The following EIF2AK2 variants were observed in gnomAD, a reference collection of about 807,000 sequenced individuals.
EIF2AK2 encodes eukaryotic translation initiation factor 2 alpha kinase 2.
Under a neutral mutation model 70.5 loss-of-function variants are expected in EIF2AK2, and 40 were observed. The ratio of observed to expected loss-of-function variants is 0.57; its 90% CI spans 0.44 to 0.74. The LOEUF is 0.74. Among genes scored for constraint, EIF2AK2 ranks in the 30% least tolerant of loss-of-function variants. The probability of loss-of-function intolerance (pLI) is 0.00; values close to 1 mark genes in which losing one functional copy is unlikely to be tolerated. For synonymous variants in EIF2AK2, 198 were observed against 220.9 expected, an observed-to-expected ratio of 0.90 and a Z score of 0.92; for missense variants, 555 against 644.3, an observed-to-expected ratio of 0.86 and a Z score of 1.50.
At chr2:37,142,134 T>A (rs1675355260) in intron 4 of EIF2AK2, among the ~76,000 whole-genome samples, 1 of 152,142 alleles carries the variant, frequency 6.6e-6, no homozygotes, top group Non-Finnish European at 1.5e-5. Context: ...GTTTTGATAT[T>A]TTTTTAATTT....
At chr2:37,132,382 G>T (rs1446724165) in intron 10 of EIF2AK2, among the ~76,000 whole-genome samples, 3 of 152,134 alleles carry the variant, frequency 2.0e-5, no homozygotes, top group African/African-American at 7.2e-5. Flanking sequence ...ACGAGGTCAG[G>T]AGTTTGAGAC....
In EIF2AK2 at chr2:37,123,778, G is replaced by C. The variant is rs527559401; in HGVS notation, c.909-1114C>G. Among the ~76,000 whole-genome samples, 3 of 152,150 alleles carry C rather than the reference G, an allele frequency of 2.0e-5. No homozygotes were observed. In the East Asian group the frequency reaches 5.8e-4, roughly 29 times the overall value. On this transcript the variant is annotated intron_variant, in intron 11 of 16. Coordinates refer to ENST00000233057, the MANE Select transcript of EIF2AK2 (RefSeq NM_001135651.3). ...GTGAAATGGTGGAAGGCTTTACAGG[G>C]ATGTGTTGCCAAGACCTAAGAAAAT...
intron 8 of EIF2AK2, among the ~76,000 whole-genome samples, 162 bp downstream of exon 8, chr2:37,138,108 C>CAAAAAAAAAAAAAAAA (rs59032875): frequency 1.5e-5 from 1 of 67,114 alleles, no homozygotes. Flanking sequence ...GACTCCATCT[C>CAAAAAAAAAAAAAAAA]AAAAAAAAAA....
chr2:37,120,187 T>A (rs1251226994), intron 12 of EIF2AK2, 48 bp from the exon 13 acceptor site: 11 of 1,162,638 alleles, frequency 9.5e-6, no homozygotes, highest in Non-Finnish European at 1.2e-5. Flanking sequence ...AAATATAAAT[T>A]TATAAAAAAT....
intron 1 of EIF2AK2, among the ~76,000 whole-genome samples, chr2:37,156,208 C>T (rs1294172815): frequency 6.6e-6 from 1 of 152,154 alleles, no homozygotes; most frequent in Non-Finnish European, 1.5e-5. Flanking sequence ...GGATGCTTGG[C>T]TGTGCACCAG....
At chr2:37,145,544 T>A (rs566788655) in intron 4 of EIF2AK2, among the ~76,000 whole-genome samples, 1 of 152,066 alleles carries the variant, frequency 6.6e-6, no homozygotes, top group African/African-American at 2.4e-5. Flanking sequence ...GTTAATTTAT[T>A]ATTGAAGAAA....
Position 37,114,714 on chromosome 2 carries a change from C to A in EIF2AK2, c.1377+17G>T. 6.5e-7 allele frequency: 1 copy of A among 1,527,458 alleles called. No homozygotes were observed. Among genetic ancestry groups the A allele is most frequent in the Non-Finnish European group, 8.7e-7 (1 of 1,144,034 alleles). 94.6% of individuals were successfully genotyped at this position (1,527,458 alleles called of 1,614,324 possible). A position where few individuals can be genotyped will look rare whatever the true frequency, so the allele number is the denominator to read the frequency against. ...ATAAAAGAAGTAAAATATAGACAGA[C>A]AGGAAAGAGACCTTACCTGTTCTGG... On this transcript the variant is annotated intron_variant, in intron 14 of 16. Transcript: ENST00000233057.
chr2:37,142,911 T>G (rs1675383669), intron 4 of EIF2AK2, among the ~76,000 whole-genome samples: 1 of 152,162 alleles, frequency 6.6e-6, no homozygotes, highest in South Asian at 2.1e-4. Context: ...TTTCCTCATC[T>G]CTGGAGCACA....
rs1454007164 is a variant in EIF2AK2 at position 37,101,063 on chromosome 2, C to G, written c.*6210G>C. 1 of 152,232 alleles carries G rather than the reference C, an allele frequency of 6.6e-6. No homozygotes were observed. Among genetic ancestry groups the G allele is most frequent in the East Asian group, 1.9e-4 (1 of 5,198 alleles). The allele number at this position is 152,232 out of a possible 1,614,324, so 9.4% of individuals were successfully genotyped here. On this transcript the variant is annotated 3_prime_UTR_variant, in exon 17 of 17. Coordinates refer to ENST00000233057, the MANE Select transcript of EIF2AK2 (RefSeq NM_001135651.3). ...ATCCCCACATCCAATTAGTTGCCAA[C>G]TCCTCTTGGTTCTGTCCTCTTATTG... is the stretch of plus-strand genomic sequence containing the variant.
chr2:37,124,558 C>G (rs1674668557), intron 11 of EIF2AK2, among the ~76,000 whole-genome samples: 1 of 152,146 alleles, frequency 6.6e-6, no homozygotes, highest in South Asian at 2.1e-4. Flanking sequence ...CATGCCTGGC[C>G]CAGCCAGTCA....
At chr2:37,147,048 C>T (rs1675569661) in intron 3 of EIF2AK2, 75 bp from the exon 4 acceptor site, 2 of 1,394,902 alleles carry the variant, frequency 1.4e-6, no homozygotes, top group Non-Finnish European at 1.9e-6. Context: ...CTAGTCATCA[C>T]TACCTCCTAT....
chr2:37,134,313 A>C (rs1392081251), intron 10 of EIF2AK2, among the ~76,000 whole-genome samples: 2 of 152,182 alleles, frequency 1.3e-5, no homozygotes, highest in Non-Finnish European at 2.9e-5. Context: ...CCACTTTTAC[A>C]ACAAGCCTCA....
At position 37,153,337 on chromosome 2, in the gene EIF2AK2, C is replaced by CTTT. The variant is rs1553340565; in HGVS notation, c.-184+3568_-184+3570dup. ...CCCAGTCCTTTCAGTCTCTGCTAAT[C>CTTT]TTTTTTTTTTTTTTTTTTTTTGAGA... On this transcript the variant is annotated intron_variant, in intron 1 of 16. Coordinates refer to ENST00000233057, the MANE Select transcript of EIF2AK2 (RefSeq NM_001135651.3). Among the ~76,000 whole-genome samples, 72 of 109,880 alleles carry CTTT rather than the reference C, an allele frequency of 6.6e-4. 1 individual carries two copies. The highest frequency in any genetic ancestry group is 2.1e-3 in the African/African-American group (63 of 30,254). The allele number at this position is 109,880 out of a possible 152,430, so 72.1% of individuals were successfully genotyped here. A position where few individuals can be genotyped will look rare whatever the true frequency, so the allele number is the denominator to read the frequency against.
intron 1 of EIF2AK2, among the ~76,000 whole-genome samples, chr2:37,151,191 A>G (rs1023226904): frequency 6.6e-6 from 1 of 152,238 alleles, no homozygotes; most frequent in Admixed American, 6.5e-5. Context: ...TACAAATCAT[A>G]TATCTGATGA....
chr2:37,126,220 G>T, intron 11 of EIF2AK2, 69 bp downstream of exon 11: 1 of 1,473,288 alleles, frequency 6.8e-7, no homozygotes, highest in Non-Finnish European at 9.0e-7. Context: ...GAAGAGAGAA[G>T]CATAAAAAAG....
chr2:37,119,935 T>G, intron 13 of EIF2AK2, 24 bp downstream of exon 13: 1 of 1,250,180 alleles, frequency 8.0e-7, no homozygotes, highest in East Asian at 3.0e-5. Context: ...ATATATCAAT[T>G]AATAAAGTAC....
Position 37,099,530 on chromosome 2 carries a change from T to C in EIF2AK2, c.*7743A>G, listed in dbSNP as rs979752347. 1 of 152,200 alleles carries C rather than the reference T, an allele frequency of 6.6e-6. No individual in the cohort carries two copies. Among genetic ancestry groups the C allele is most frequent in the African/African-American group, 2.4e-5 (1 of 41,440 alleles). 9.4% of individuals were successfully genotyped at this position (152,200 alleles called of 1,614,324 possible). A position where few individuals can be genotyped will look rare whatever the true frequency, so the allele number is the denominator to read the frequency against. ...ATGGGAGTACTAGGGAGAAGATTCA[T>C]TTTGAGTGGGAGATGTTGGAACACT... On this transcript the variant is annotated 3_prime_UTR_variant, in exon 17 of 17. Coordinates refer to ENST00000233057, the MANE Select transcript of EIF2AK2 (RefSeq NM_001135651.3).
At chr2:37,111,881 ATAT>A (rs1558407908) in intron 14 of EIF2AK2, among the ~76,000 whole-genome samples, 5,194 of 43,954 alleles carry the variant, frequency 0.12, 343 homozygotes, top group Non-Finnish European at 0.14. Context: ...AAAAAAAAAT[ATAT>A]ATATATATAT....
At chr2:37,138,195 C>G (rs999700030) in intron 8 of EIF2AK2, 75 bp downstream of exon 8, 1 of 1,115,564 alleles carries the variant, frequency 9.0e-7, no homozygotes, top group African/African-American at 1.6e-5. Context: ...TGGTGGAATA[C>G]TGGAAGTTAT....
Sources: gnomAD v4.1 joint callset for allele counts (sites outside exome capture counted in the v4.1 genomes callset) on GRCh38, gnomAD v4.1.1 for gene constraint, MANE v1.5 for transcripts, NCBI Gene and HGNC (gene_info 2026-07-23, HGNC 2026-07-21) for gene names.